Variants in CABLES1 observed in about 807,000 individuals in gnomAD.
The protein encoded by CABLES1 is CDK5 and ABL1 enzyme substrate 1.
Under a neutral mutation model 57.8 loss-of-function variants are expected in CABLES1, and 36 were observed. The ratio of observed to expected loss-of-function variants is 0.62; its 90% confidence interval spans 0.48 to 0.82. The LOEUF is 0.82. Ranked by LOEUF, CABLES1 falls within the 40% of genes least tolerant of loss-of-function variation. The pLI, the probability that CABLES1 is intolerant of heterozygous loss-of-function variation, is 0.00. For synonymous variants in CABLES1, 374 were observed against 363.0 expected, an observed-to-expected ratio of 1.03 and a Z score of -0.35; for missense variants, 767 against 836.6, an observed-to-expected ratio of 0.92 and a Z score of 1.03.
intron 3 of CABLES1, among the ~76,000 whole-genome samples, chr18:23,195,343 T>G (rs1273232980): frequency 6.6e-6 from 1 of 152,224 alleles, no homozygotes; most frequent in African/African-American, 2.4e-5. Context: ...CATCCAGAGC[T>G]GAGGTCCTGC....
chr18:23,222,120 A>G (rs745559696), intron 4 of CABLES1, among the ~76,000 whole-genome samples: 6 of 152,178 alleles, frequency 3.9e-5, no homozygotes, highest in Non-Finnish European at 8.8e-5. Context: ...TAACAGAAAC[A>G]GGGCCCTTGA....
chr18:23,220,144 A>C (rs1380802062), intron 4 of CABLES1, among the ~76,000 whole-genome samples: 1 of 152,168 alleles, frequency 6.6e-6, no homozygotes, highest in Non-Finnish European at 1.5e-5. Context: ...TCTAACAGCC[A>C]CCGCAGTCTC....
At chr18:23,172,556 G>A (rs909755069) in intron 1 of CABLES1, among the ~76,000 whole-genome samples, 65 of 152,300 alleles carry the variant, frequency 4.3e-4, no homozygotes, top group African/African-American at 1.3e-3. Context: ...AACTTTGGTT[G>A]AAAACCATGT....
chr18:23,228,709 C>A (rs1377750561), intron 4 of CABLES1, among the ~76,000 whole-genome samples: 1 of 149,812 alleles, frequency 6.7e-6, no homozygotes, highest in Non-Finnish European at 1.5e-5. Flanking sequence ...CCCACTCCCC[C>A]ACCCCCGTGG....
At chr18:23,214,447 G>A (rs1194636546) in intron 4 of CABLES1, among the ~76,000 whole-genome samples, 1 of 152,128 alleles carries the variant, frequency 6.6e-6, no homozygotes, top group African/African-American at 2.4e-5. Context: ...GCTTGGGTTT[G>A]GAAACTGACC....
intron 4 of CABLES1, among the ~76,000 whole-genome samples, chr18:23,214,926 C>A (rs1234723885): frequency 6.6e-6 from 1 of 152,196 alleles, no homozygotes; most frequent in Non-Finnish European, 1.5e-5. Context: ...CTCACCATGA[C>A]CTCCCCTTTC....
Position 23,253,798 on chromosome 18 carries a change from C to T in CABLES1, c.1623C>T (p.Ala541=). The change falls in exon 9 of 10, where the codon GCC becomes GCT. Residue 541 remains alanine, a synonymous_variant. Coordinates refer to ENST00000256925, the MANE Select transcript of CABLES1 (RefSeq NM_001100619.3). ...CGLEEPTVAM[A]FVYFEKLALK... ...TTGAGGAGCCCACGGTGGCCATGGC[C>T]TTCGTCTACTTTGAAAAGCTCGCCC... 6.2e-7 allele frequency: 1 copy of T among 1,614,242 alleles called. No individual in the cohort carries two copies. The highest frequency in any genetic ancestry group is 1.1e-5 in the South Asian group (1 of 91,084).
intron 4 of CABLES1, among the ~76,000 whole-genome samples, chr18:23,227,462 G>C (rs995016897): frequency 1.8e-4 from 27 of 152,218 alleles, no homozygotes; most frequent in African/African-American, 5.3e-4. Flanking sequence ...TTGTCTGCCA[G>C]TTGCCCTTGC....
chr18:23,222,138 G>A (rs902285703), intron 4 of CABLES1, among the ~76,000 whole-genome samples: 3 of 151,858 alleles, frequency 2.0e-5, no homozygotes, highest in African/African-American at 7.2e-5. Flanking sequence ...TGAGGCTCTG[G>A]CCTTGGCGTT....
rs10692529 is a variant in CABLES1, at chr18:23,177,418, T to TACACACACACACAC, written c.846-11397_846-11384dup. On this transcript the variant is annotated intron_variant, in intron 1 of 9. Coordinates refer to ENST00000256925, the MANE Select transcript of CABLES1 (RefSeq NM_001100619.3). ...AAGGTGCTATGTGTGAGCACATGTG[T>TACACACACACACAC]ACACACACACACACACACACACACA... Among the ~76,000 whole-genome samples, 488 of 144,722 alleles carry TACACACACACACAC rather than the reference T, an allele frequency of 3.4e-3. 1 individual carries two copies. Among genetic ancestry groups the TACACACACACACAC allele is most frequent in the Middle Eastern group, 0.011 (3 of 284 alleles). 94.9% of individuals were successfully genotyped at this position (144,722 alleles called of 152,430 possible).
intron 3 of CABLES1, among the ~76,000 whole-genome samples, chr18:23,209,367 A>G (rs2047387332): frequency 6.6e-6 from 1 of 152,236 alleles, no homozygotes; most frequent in Non-Finnish European, 1.5e-5. Flanking sequence ...GTACTTACAA[A>G]TAAGGCCACA....
Position 23,233,758 on chromosome 18 carries a change from C to G in CABLES1, c.1089-850C>G, listed in dbSNP as rs983461225. On this transcript the variant is annotated intron_variant, in intron 4 of 9. Coordinates refer to ENST00000256925, the MANE Select transcript of CABLES1 (RefSeq NM_001100619.3). Reference sequence around the variant, plus strand: ...TACTTGTTATTACTAGAGATTATTCCTCTATTAAAAGATATTCATTTTCTA... The same window carrying G: ...TACTTGTTATTACTAGAGATTATTCGTCTATTAAAAGATATTCATTTTCTA... Among the ~76,000 whole-genome samples the G allele has an allele frequency of 2.6e-5, 4 of 152,200 alleles. No homozygotes were observed. In the South Asian group the frequency reaches 8.3e-4, roughly 32 times the overall value.
At position 23,228,046 on chromosome 18, in the gene CABLES1, G is replaced by C. The variant is rs534762887; in HGVS notation, c.1089-6562G>C. Among the ~76,000 whole-genome samples, 6 of 152,298 alleles carry C rather than the reference G, an allele frequency of 3.9e-5. No individual in the cohort carries two copies. The South Asian group carries it at 1.0e-3, about 26-fold the overall frequency. On this transcript the variant is annotated intron_variant, in intron 4 of 9. Coordinates refer to ENST00000256925, the MANE Select transcript of CABLES1 (RefSeq NM_001100619.3). The stretch of plus-strand genomic sequence containing the variant: ...TGGAAGCAGAAAGCCTTGGAACCTA[G>C]TTAATTGGATCACACTTTTTCCATC...
chr18:23,208,560 C>T (rs867413513), intron 3 of CABLES1, among the ~76,000 whole-genome samples: 4 of 152,296 alleles, frequency 2.6e-5, no homozygotes, highest in Admixed American at 6.5e-5. Context: ...TCATAATATT[C>T]ATTTGTCTCC....
rs866666853 is a variant in CABLES1, at chr18:23,257,532, G to A, written c.*165G>A. 1.2e-5 allele frequency: 9 copies of A among 729,714 alleles called. No individual in the cohort carries two copies. The highest frequency in any genetic ancestry group is 7.4e-4 in the Middle Eastern group (2 of 2,704). The allele number at this position is 729,714 out of a possible 1,614,324, so 45.2% of individuals were successfully genotyped here. On this transcript the variant is annotated 3_prime_UTR_variant, in exon 10 of 10. Transcript: ENST00000256925. ...CTAGAAACTTTCCAAGGAGTCTTGG[G>A]TGTGTAGCCAAGAGGAGCCATGAGC... is the stretch of plus-strand genomic sequence containing the variant.
rs140237890 is a variant in CABLES1, at chr18:23,252,061, G to A, written c.1447-899G>A. Among the ~76,000 whole-genome samples the A allele has an allele frequency of 3.9e-4, 59 of 151,682 alleles. No individual in the cohort carries two copies. The East Asian group carries it at 7.0e-3, about 18-fold the overall frequency. The stretch of plus-strand genomic sequence containing the variant: ...AGATTGCACCGCTGCACTCCAGCCT[G>A]GGCAACAAAGTGAGACTCCGTCTCA... On this transcript the variant is annotated intron_variant, in intron 7 of 9. Transcript: ENST00000256925.
At chr18:23,141,721 G>A (rs759121072) in intron 1 of CABLES1, among the ~76,000 whole-genome samples, 1 of 152,232 alleles carries the variant, frequency 6.6e-6, no homozygotes, top group Non-Finnish European at 1.5e-5. Flanking sequence ...TAGGAAGCCT[G>A]CTCACTGCTG....
rs751098743 is a variant in CABLES1, at chr18:23,194,544, C to T, written c.1010+4C>T. The T allele has an allele frequency of 4.4e-6, 7 of 1,591,604 alleles. No individual in the cohort carries two copies. In the South Asian group the frequency reaches 7.7e-5, roughly 18 times the overall value. On this transcript the variant is annotated splice_donor_region_variant and intron_variant, in intron 3 of 9. Transcript: ENST00000256925. Reference sequence around the variant, plus strand: ...AACACGATACCAGGAATGGCAGGTACTACATTCACACAGAAGCGGCTGCCA... The same window carrying T: ...AACACGATACCAGGAATGGCAGGTATTACATTCACACAGAAGCGGCTGCCA...
intron 4 of CABLES1, among the ~76,000 whole-genome samples, chr18:23,220,165 T>G (rs919555398): frequency 2.0e-5 from 3 of 152,212 alleles, no homozygotes; most frequent in Non-Finnish European, 4.4e-5. Context: ...CAGCATGCTC[T>G]TCCTTACCGT....
Sources: allele counts gnomAD v4.1 joint callset (sites outside exome capture counted in the v4.1 genomes callset), GRCh38; gene constraint gnomAD v4.1.1; transcripts MANE v1.5; gene names NCBI Gene and HGNC (gene_info 2026-07-23, HGNC 2026-07-21).